Variants in CDH12 observed in about 807,000 individuals in gnomAD.
CDH12 encodes the protein cadherin 12, also known as cadherin-12.
A neutral mutation model predicts 74.1 loss-of-function variants in CDH12; 41 were observed. That is an observed-to-expected ratio of 0.55 (90% CI 0.43 to 0.72). CDH12 has a LOEUF of 0.72. Among genes scored for constraint, CDH12 ranks in the 30% least tolerant of loss-of-function variants. CDH12 has a pLI of 0.00. For missense variants in CDH12, 945 were observed against 977.2 expected (o/e 0.97, Z 0.44); for synonymous variants, 399 against 355.0 (o/e 1.12, Z -1.39).
At chr5:22,425,290 T>C (rs1039624168) in intron 2 of CDH12, among the ~76,000 whole-genome samples, 23 of 150,940 alleles carry the variant, frequency 1.5e-4, no homozygotes, top group Non-Finnish European at 2.7e-4. Context: ...GTTATTCTTA[T>C]GGTTTTGTGA....
Position 21,842,219 on chromosome 5 carries a change from T to C in CDH12, c.756A>G (p.Thr252=). 1.9e-6 allele frequency: 3 copies of C among 1,613,692 alleles called. No individual in the cohort carries two copies. Among genetic ancestry groups the C allele is most frequent in the Non-Finnish European group, 2.5e-6 (3 of 1,179,750 alleles). Residue 252 remains threonine, a synonymous_variant, in exon 8 of 15, where the codon ACA becomes ACG. Coordinates refer to ENST00000382254, the MANE Select transcript of CDH12 (RefSeq NM_004061.5). ...CGGTGAGAGTGATGTTGACTATTGT[T>C]GTTCCGGCTAATCCTCCAAGCTGTC... ...MGGQLGGLAG[T]TIVNITLTDV... is the part of the protein sequence containing the mutation.
At chr5:22,451,330 T>C (rs182613648) in intron 2 of CDH12, among the ~76,000 whole-genome samples, 1 of 152,078 alleles carries the variant, frequency 6.6e-6, no homozygotes, top group African/African-American at 2.4e-5. Flanking sequence ...TTTGAATCAA[T>C]AAATATCTGC....
At position 22,835,377 on chromosome 5, in the gene CDH12, C is replaced by G. The variant is rs574938747; in HGVS notation, c.-523+17681G>C. Reference sequence around the variant, plus strand: ...TAAAGGAAATATTGCAGATGGGAAGCAGCATTGTTATATTGCTATTTCAAA... The same window carrying G: ...TAAAGGAAATATTGCAGATGGGAAGGAGCATTGTTATATTGCTATTTCAAA... On this transcript the variant is annotated intron_variant, in intron 1 of 14. Transcript: ENST00000382254. 3.9e-5 allele frequency among the ~76,000 whole-genome samples: 6 copies of G among 152,228 alleles called. No individual in the cohort carries two copies. The South Asian group carries it at 1.2e-3, about 32-fold the overall frequency.
At chr5:22,217,357 G>T (rs2150366749) in intron 3 of CDH12, among the ~76,000 whole-genome samples, 1 of 151,786 alleles carries the variant, frequency 6.6e-6, no homozygotes, top group East Asian at 1.9e-4. Context: ...AAATGATTGA[G>T]AATTATCTTA....
chr5:22,251,504 A>G lies in CDH12; in HGVS notation c.-332-38861T>C, dbSNP rs114133590. 7.9e-3 allele frequency among the ~76,000 whole-genome samples: 1,200 copies of G among 152,302 alleles called. 18 individuals are homozygous for G. The highest frequency in any genetic ancestry group is 0.028 in the African/African-American group (1,145 of 41,570). On this transcript the variant is annotated intron_variant, in intron 3 of 14. Transcript: ENST00000382254. ...TCTCTTATCTCTTGCTAATGGTGTT[A>G]CTAAAGCCGTATGAAAATGGATTCA...
intron 4 of CDH12, among the ~76,000 whole-genome samples, chr5:22,170,925 G>C (rs1219325182): frequency 2.0e-5 from 3 of 151,878 alleles, no homozygotes. Flanking sequence ...GTAGCAGTTA[G>C]TTTCAAGTTG....
intron 6 of CDH12, among the ~76,000 whole-genome samples, chr5:21,855,726 G>A (rs1263422383): frequency 1.3e-5 from 2 of 151,512 alleles, no homozygotes; most frequent in African/African-American, 4.8e-5. Flanking sequence ...TCTGCTGGAG[G>A]CACTCAAAGT....
Position 22,083,819 on chromosome 5 carries a change from G to A in CDH12, c.-186-4957C>T, listed in dbSNP as rs116335924. On this transcript the variant is annotated intron_variant, in intron 4 of 14. Coordinates refer to ENST00000382254, the MANE Select transcript of CDH12 (RefSeq NM_004061.5). ...AGATATAAAAATACACAAAACCTCA[G>A]GGGTTTCCAATCCTAGTAAAACAAG... Among the ~76,000 whole-genome samples, 901 of 152,196 alleles carry A rather than the reference G, an allele frequency of 5.9e-3. 8 individuals are homozygous for A. The highest frequency in any genetic ancestry group is 0.021 in the African/African-American group (861 of 41,528).
chr5:22,756,908 A>G (rs1180530029), intron 1 of CDH12, among the ~76,000 whole-genome samples: 7 of 151,946 alleles, frequency 4.6e-5, no homozygotes, highest in African/African-American at 1.7e-4. Context: ...GCAGAAAGCC[A>G]AGATCACACT....
At chr5:22,525,255 T>A (rs886139420) in intron 1 of CDH12, among the ~76,000 whole-genome samples, 13 of 152,294 alleles carry the variant, frequency 8.5e-5, no homozygotes, top group African/African-American at 3.1e-4. Flanking sequence ...TTGTGAATAG[T>A]GCCACAATAA....
intron 2 of CDH12, among the ~76,000 whole-genome samples, chr5:22,478,944 G>T (rs925324287): frequency 6.6e-6 from 1 of 152,086 alleles, no homozygotes; most frequent in Non-Finnish European, 1.5e-5. Context: ...AGAGAATGAT[G>T]CTCTAAGTCC....
At chr5:22,576,603 C>T (rs973344477) in intron 1 of CDH12, among the ~76,000 whole-genome samples, 1 of 152,150 alleles carries the variant, frequency 6.6e-6, no homozygotes, top group African/African-American at 2.4e-5. Flanking sequence ...GAACTAGAAT[C>T]GGAGGAAATT....
chr5:22,770,532 C>T (rs770956116), intron 1 of CDH12, among the ~76,000 whole-genome samples: 8 of 152,124 alleles, frequency 5.3e-5, no homozygotes, highest in Non-Finnish European at 1.0e-4. Flanking sequence ...CTAATGCTGA[C>T]ATATCATTAG....
intron 5 of CDH12, among the ~76,000 whole-genome samples, chr5:22,000,750 T>TA (rs1736557122): frequency 1.3e-5 from 2 of 152,146 alleles, no homozygotes; most frequent in Admixed American, 1.3e-4. Context: ...ACAAATATTT[T>TA]ACGTGCCATA....
chr5:22,251,780 C>T (rs942829719), intron 3 of CDH12, among the ~76,000 whole-genome samples: 9 of 152,084 alleles, frequency 5.9e-5, no homozygotes, highest in Non-Finnish European at 1.2e-4. Flanking sequence ...ATGATTAAAG[C>T]TGTGTCATCT....
chr5:22,709,646 A>G (rs1257147484), intron 1 of CDH12, among the ~76,000 whole-genome samples: 2 of 152,212 alleles, frequency 1.3e-5, no homozygotes, highest in East Asian at 3.9e-4. Context: ...CAACGTACAG[A>G]ACCACCTTCA....
At chr5:22,598,484 G>A (rs991939709) in intron 1 of CDH12, among the ~76,000 whole-genome samples, 1 of 152,126 alleles carries the variant, frequency 6.6e-6, no homozygotes, top group South Asian at 2.1e-4. Flanking sequence ...ATGATTACAA[G>A]TTTCATGAGG....
Position 22,267,808 on chromosome 5 carries a change from C to A in CDH12, c.-332-55165G>T, listed in dbSNP as rs372601275. ...ATTACCAGATCCAACTTGATAATGGCATCAAACTATCAAGGAGGACAAAAC... is the reference window on the plus strand; with the variant it reads ...ATTACCAGATCCAACTTGATAATGGAATCAAACTATCAAGGAGGACAAAAC... On this transcript the variant is annotated intron_variant, in intron 3 of 14. Coordinates refer to ENST00000382254, the MANE Select transcript of CDH12 (RefSeq NM_004061.5). Among the ~76,000 whole-genome samples, 5 of 151,980 alleles carry A rather than the reference C, an allele frequency of 3.3e-5. No individual in the cohort carries two copies. In the South Asian group the frequency reaches 1.0e-3, roughly 32 times the overall value.
intron 1 of CDH12, among the ~76,000 whole-genome samples, chr5:22,697,468 A>G (rs565399348): frequency 2.7e-5 from 4 of 148,934 alleles, no homozygotes; most frequent in Middle Eastern, 3.4e-3. Flanking sequence ...GCTACTCGGG[A>G]GGCTGAGACG....
Sources: gnomAD v4.1 joint callset for allele counts (sites outside exome capture counted in the v4.1 genomes callset) on GRCh38, gnomAD v4.1.1 for gene constraint, MANE v1.5 for transcripts, NCBI Gene and HGNC (gene_info 2026-07-23, HGNC 2026-07-21) for gene names.